PHEX: variants seen among roughly 807,000 people sequenced by gnomAD.
PHEX encodes the protein phosphate-regulating neutral endopeptidase PHEX.
PHEX carries 16 observed loss-of-function variants against 68.0 expected under a neutral mutation model. The observed-to-expected ratio is 0.24, with a 90% confidence interval of 0.16 to 0.36. The LOEUF (loss-of-function observed/expected upper bound fraction) is 0.36. Among genes scored for constraint, PHEX ranks in the 10% least tolerant of loss-of-function variants. The pLI, the probability that PHEX is intolerant of heterozygous loss-of-function variation, is 1.00. For synonymous variants in PHEX, 208 were observed against 205.1 expected, an observed-to-expected ratio of 1.01 and a Z score of -0.12; for missense variants, 480 against 575.5, an observed-to-expected ratio of 0.83 and a Z score of 1.70.
At chrX:22,190,299 C>A in intron 14 of PHEX, 145 bp from the exon 15 acceptor site, 1 of 557,669 alleles carries the variant, frequency 1.8e-6, no homozygotes, top group Non-Finnish European at 3.3e-6. Context: ...TAGCCCCAAA[C>A]TGAGGGAATA....
In PHEX at chrX:22,249,453, A is replaced by ATATATATATATAT. The variant is rs1222771440; in HGVS notation, c.*1500_*1501insTATATATATATAT. 2.1e-4 allele frequency: 6 copies of ATATATATATATAT among 28,039 alleles called. No individual in the cohort carries two copies. The highest frequency in any genetic ancestry group is 8.3e-4 in the African/African-American group (4 of 4,827). 2.3% of individuals were successfully genotyped at this position (28,039 alleles called of 1,213,427 possible). A position where few individuals can be genotyped will look rare whatever the true frequency, so the allele number is the denominator to read the frequency against. The stretch of plus-strand genomic sequence containing the variant: ...ATTTGTGATTCTTTTAAAAAAAAAA[A>ATATATATATATAT]AAATATATATATATATATATATATA... On this transcript the variant is annotated 3_prime_UTR_variant, in exon 22 of 22. Coordinates refer to ENST00000379374, the MANE Select transcript of PHEX (RefSeq NM_000444.6).
At chrX:22,117,701 C>T (rs185540980) in intron 11 of PHEX, among the ~76,000 whole-genome samples, 16 of 111,320 alleles carry the variant, frequency 1.4e-4, no homozygotes, top group African/African-American at 5.2e-4. Context: ...TTCCTTGTGT[C>T]AGGGTATGAC....
rs1935546979 is a variant in PHEX at position 22,227,502 on chromosome X, A to T, written c.1966-5A>T. The T allele has an allele frequency of 5.1e-6, 6 of 1,175,215 alleles. No individual in the cohort carries two copies. In the East Asian group the frequency reaches 1.8e-4, roughly 35 times the overall value. On this transcript the variant is annotated splice_region_variant and splice_polypyrimidine_tract_variant and intron_variant, in intron 19 of 21. Coordinates refer to ENST00000379374, the MANE Select transcript of PHEX (RefSeq NM_000444.6). ...GAGACTCATCTCTTCTTCTTCTCTCACCAGGCTTACAGGAAATGGATAAAT... is the reference window on the plus strand; with the variant it reads ...GAGACTCATCTCTTCTTCTTCTCTCTCCAGGCTTACAGGAAATGGATAAAT...
intron 20 of PHEX, among the ~76,000 whole-genome samples, chrX:22,228,795 G>GTA (rs765967753): frequency 1.8e-5 from 2 of 111,538 alleles, no homozygotes; most frequent in South Asian, 7.6e-4. Context: ...TGTTACATAG[G>GTA]TATACATGTG....
chrX:22,158,960 T>G (rs778513757), intron 12 of PHEX, among the ~76,000 whole-genome samples: 1 of 113,201 alleles, frequency 8.8e-6, no homozygotes, highest in Non-Finnish European at 1.9e-5. Context: ...GTTGTCTCCA[T>G]GGAAATTAAT....
chrX:22,074,134 G>A (rs1305538975), intron 3 of PHEX, among the ~76,000 whole-genome samples: 1 of 110,786 alleles, frequency 9.0e-6, no homozygotes, highest in Non-Finnish European at 1.9e-5. Flanking sequence ...CCTGTGGTAC[G>A]CAGGCTTTGT....
rs187601331 is a variant in PHEX, at chrX:22,032,612, A to C, written c.-394A>C. 1 of 138,363 alleles carries C rather than the reference A, an allele frequency of 7.2e-6. No homozygotes were observed. Among genetic ancestry groups the C allele is most frequent in the Non-Finnish European group, 1.4e-5 (1 of 69,621 alleles). 11.4% of individuals were successfully genotyped at this position (138,363 alleles called of 1,213,427 possible). On this transcript the variant is annotated 5_prime_UTR_variant, in exon 1 of 22. Transcript: ENST00000379374. ...TTTCACGAGAATCCAGTTTTGATAA[A>C]ACAATTGTTTTTTTCCTCCCCAAGT...
chrX:22,183,157 C>T (rs752568911), intron 14 of PHEX, among the ~76,000 whole-genome samples: 1 of 110,250 alleles, frequency 9.1e-6, no homozygotes, highest in Admixed American at 9.7e-5. Context: ...TTTTATGCTG[C>T]CTAGTCTTTT....
intron 11 of PHEX, among the ~76,000 whole-genome samples, chrX:22,121,862 T>G (rs1257579553): frequency 8.9e-6 from 1 of 111,784 alleles, no homozygotes; most frequent in East Asian, 2.8e-4. Flanking sequence ...GTAGTAATTC[T>G]TATCCTAAGA....
intron 13 of PHEX, chrX:22,171,268 G>GA (rs937012349): frequency 2.7e-5 from 3 of 110,191 alleles, no homozygotes; most frequent in African/African-American, 9.9e-5. Context: ...GAGAGTTCAG[G>GA]AAAAAACTGC....
chrX:22,223,990 T>C (rs765550771), intron 18 of PHEX, among the ~76,000 whole-genome samples: 24 of 112,192 alleles, frequency 2.1e-4, no homozygotes, highest in Non-Finnish European at 4.0e-4. Context: ...CCTTAGGTCA[T>C]TGACTTTTTT....
chrX:22,104,671 C>T (rs1276450630), intron 9 of PHEX, among the ~76,000 whole-genome samples: 2 of 111,439 alleles, frequency 1.8e-5, no homozygotes, highest in African/African-American at 6.5e-5. Context: ...GACTTCTCTC[C>T]CTTTCTGTCC....
chrX:22,202,602 T>C (rs1441329650), intron 15 of PHEX, among the ~76,000 whole-genome samples: 3 of 111,804 alleles, frequency 2.7e-5, no homozygotes, highest in Non-Finnish European at 3.8e-5. Context: ...ATAGGGAAAA[T>C]ATCAGTCACA....
chrX:22,126,549 T>C (rs920404328), intron 11 of PHEX, among the ~76,000 whole-genome samples: 1 of 111,867 alleles, frequency 8.9e-6, no homozygotes, highest in Non-Finnish European at 1.9e-5. Context: ...AGAATTCTTA[T>C]GTCTATGTGA....
chrX:22,055,186 A>AAAAAAAAAC (rs1928032528), intron 3 of PHEX, among the ~76,000 whole-genome samples: 1 of 18,609 alleles, frequency 5.4e-5, no homozygotes, highest in Non-Finnish European at 9.0e-5. Context: ...AAAAAAAAAA[A>AAAAAAAAAC]AAAAAAAAAA....
intron 2 of PHEX, among the ~76,000 whole-genome samples, chrX:22,045,404 T>A (rs1460341767): frequency 8.9e-6 from 1 of 111,956 alleles, no homozygotes; most frequent in Non-Finnish European, 1.9e-5. Flanking sequence ...TCTGGTTTTT[T>A]AAAAAAATCA....
intron 20 of PHEX, among the ~76,000 whole-genome samples, chrX:22,235,603 G>A (rs1486802304): frequency 9.0e-6 from 1 of 111,024 alleles, no homozygotes; most frequent in African/African-American, 3.3e-5. Context: ...ATTCCTGAGG[G>A]CTCCACCCTC....
intron 11 of PHEX, among the ~76,000 whole-genome samples, chrX:22,125,766 C>A (rs1191916385): frequency 8.9e-6 from 1 of 111,932 alleles, no homozygotes; most frequent in East Asian, 2.8e-4. Flanking sequence ...CTTTGAATTA[C>A]TAAATCAGAG....
intron 2 of PHEX, among the ~76,000 whole-genome samples, chrX:22,044,868 T>A (rs150954992): frequency 0.027 from 3,031 of 110,568 alleles, 97 homozygotes; most frequent in African/African-American, 0.089. Flanking sequence ...TTATTTATTT[T>A]TTTATTTTTT....
Sources: gnomAD v4.1 joint callset for allele counts (sites outside exome capture counted in the v4.1 genomes callset) on GRCh38, gnomAD v4.1.1 for gene constraint, MANE v1.5 for transcripts, NCBI Gene and HGNC (gene_info 2026-07-23, HGNC 2026-07-21) for gene names.